The following RPH3A variants were observed in gnomAD, a reference collection of about 807,000 sequenced individuals.
The protein encoded by RPH3A is rabphilin 3A, also known as rabphilin-3A.
Under a neutral mutation model 102.2 loss-of-function variants are expected in RPH3A, and 48 were observed. The observed-to-expected ratio is 0.47, with a 90% CI of 0.37 to 0.60. The LOEUF (loss-of-function observed/expected upper bound fraction) is 0.60. Ranked by LOEUF, RPH3A falls within the 20% of genes least tolerant of loss-of-function variation. The pLI is 0.00. For missense variants in RPH3A, 781 were observed against 910.1 expected (o/e 0.86, Z 1.83); for synonymous variants, 310 against 324.3 (o/e 0.96, Z 0.47).
chr12:112,626,646 T>A (rs1161388847), intron 1 of RPH3A, among the ~76,000 whole-genome samples: 17 of 145,172 alleles, frequency 1.2e-4, no homozygotes, highest in Non-Finnish European at 1.8e-4. Flanking sequence ...TGGAAGTCAG[T>A]GTGGCGATTC....
intron 1 of RPH3A, among the ~76,000 whole-genome samples, chr12:112,607,498 T>C (rs1365249435): frequency 6.6e-6 from 1 of 152,202 alleles, no homozygotes; most frequent in African/African-American, 2.4e-5. Context: ...TTTCTCCTCC[T>C]GTTGGGTCAA....
intron 1 of RPH3A, among the ~76,000 whole-genome samples, chr12:112,707,923 C>T (rs1208939853): frequency 6.6e-6 from 1 of 152,200 alleles, no homozygotes; most frequent in East Asian, 1.9e-4. Context: ...CTCCAATCCA[C>T]CTCCATGAAG....
chr12:112,765,678 A>C (rs1475468927), intron 1 of RPH3A, among the ~76,000 whole-genome samples: 1 of 152,226 alleles, frequency 6.6e-6, no homozygotes, highest in African/African-American at 2.4e-5. Flanking sequence ...TGCTTCATGC[A>C]ATTTTCCATA....
chr12:112,895,747 T>C (rs767600729), intron 20 of RPH3A, 30 bp from the exon 21 acceptor site: 15 of 1,522,710 alleles, frequency 9.9e-6, no homozygotes, highest in Non-Finnish European at 1.4e-5. Context: ...AGAGGGCTCT[T>C]ACCCACATGT....
intron 3 of RPH3A, among the ~76,000 whole-genome samples, chr12:112,835,853 G>A (rs2136167886): frequency 9.2e-6 from 1 of 108,376 alleles, no homozygotes; most frequent in Non-Finnish European, 2.0e-5. Context: ...TTCTTGCTTG[G>A]TTAGGGCAAT....
chr12:112,790,201 T>G (rs2041083787), upstream of RPH3A, among the ~76,000 whole-genome samples: 1 of 151,924 alleles, frequency 6.6e-6, no homozygotes, highest in Non-Finnish European at 1.5e-5. Flanking sequence ...GGATTACAGG[T>G]GCACACCACC....
intron 2 of RPH3A, among the ~76,000 whole-genome samples, chr12:112,820,417 C>G (rs1290150141): frequency 6.6e-6 from 1 of 152,218 alleles, no homozygotes; most frequent in Non-Finnish European, 1.5e-5. Context: ...ATTAAACATG[C>G]AACATTGCAT....
chr12:112,610,506 TA>T (rs574202389), intron 1 of RPH3A, among the ~76,000 whole-genome samples: 16,812 of 95,410 alleles, frequency 0.18, 1,082 homozygotes, highest in Non-Finnish European at 0.23. Flanking sequence ...CTGTCTCAAT[TA>T]AAAAAAAAAA....
Position 112,847,707 on chromosome 12 carries a change from G to A in RPH3A, c.95G>A (p.Gly32Asp). The A allele has an allele frequency of 1.2e-6, 2 of 1,613,990 alleles. No homozygotes were observed. Among genetic ancestry groups the A allele is most frequent in the East Asian group, 4.5e-5 (2 of 44,882 alleles). Residue 32 changes from glycine to aspartate, a missense_variant, in exon 5 of 22, where the codon GGC becomes GAC. Gly to Asp is a moderately conservative substitution (Grantham distance 94). This residue lies in a region of RPH3A where 730 missense variants were observed against 810.0 expected (regional missense o/e 0.90). Transcript: ENST00000389385. ...QSNDKEQLQA[G>D]WSVHPGGQPD... is the part of the protein sequence containing the mutation. ...AAATTTCCTTTCAGGCTCCAGGCAG[G>A]CTGGTCCGTCCACCCCGGTGGTCAG...
intron 5 of RPH3A, among the ~76,000 whole-genome samples, chr12:112,863,477 C>T (rs778694813): frequency 2.0e-4 from 30 of 152,166 alleles, no homozygotes; most frequent in Non-Finnish European, 4.1e-4. Context: ...ACCACCAGGC[C>T]CAGCTAATTT....
intron 1 of RPH3A, among the ~76,000 whole-genome samples, chr12:112,642,755 A>G (rs1377999770): frequency 1.3e-5 from 2 of 152,222 alleles, no homozygotes; most frequent in African/African-American, 4.8e-5. Context: ...ACCAGTATTC[A>G]TTAAGTACCA....
At chr12:112,819,260 C>T (rs960760078) in intron 2 of RPH3A, among the ~76,000 whole-genome samples, 1 of 152,010 alleles carries the variant, frequency 6.6e-6, no homozygotes, top group African/African-American at 2.4e-5. Flanking sequence ...CATGCACCAC[C>T]ATGCCCAACT....
intron 3 of RPH3A, among the ~76,000 whole-genome samples, chr12:112,831,400 C>T (rs549498452): frequency 1.6e-4 from 25 of 152,130 alleles, no homozygotes; most frequent in Admixed American, 6.5e-4. Flanking sequence ...GAGTTACTCA[C>T]TGTCTCAACA....
chr12:112,817,093 T>C (rs767499653), intron 2 of RPH3A, among the ~76,000 whole-genome samples: 1 of 152,154 alleles, frequency 6.6e-6, no homozygotes, highest in Non-Finnish European at 1.5e-5. Flanking sequence ...ACCCATACCC[T>C]TAGTCACCTT....
intron 2 of RPH3A, among the ~76,000 whole-genome samples, chr12:112,825,375 A>G (rs779772674): frequency 6.6e-6 from 1 of 152,202 alleles, no homozygotes; most frequent in Non-Finnish European, 1.5e-5. Context: ...CAAAGGATAC[A>G]GGACAGGAGA....
chr12:112,617,872 T>A (rs917256434), intron 1 of RPH3A: 1 of 152,192 alleles, frequency 6.6e-6, no homozygotes, highest in Non-Finnish European at 1.5e-5. Flanking sequence ...GCCTGAGTTG[T>A]CTTTTTTACC....
chr12:112,684,775 C>T (rs1356385555), intron 1 of RPH3A, among the ~76,000 whole-genome samples: 1 of 152,102 alleles, frequency 6.6e-6, no homozygotes, highest in Non-Finnish European at 1.5e-5. Context: ...CAGGCTGCTA[C>T]AACAAAAATG....
intron 1 of RPH3A, among the ~76,000 whole-genome samples, chr12:112,603,023 A>G (rs1303960870): frequency 6.6e-6 from 1 of 152,192 alleles, no homozygotes; most frequent in Non-Finnish European, 1.5e-5. Context: ...GGGAAAGTAG[A>G]TAGTCATGGA....
intron 1 of RPH3A, among the ~76,000 whole-genome samples, chr12:112,648,097 G>C (rs2039944700): frequency 6.6e-6 from 1 of 152,138 alleles, no homozygotes; most frequent in Admixed American, 6.5e-5. Flanking sequence ...ATACAGTTGA[G>C]GAGACAGATG....
Sources: gnomAD v4.1 joint callset for allele counts (sites outside exome capture counted in the v4.1 genomes callset) on GRCh38, gnomAD v4.1.1 for gene constraint, gnomAD v4.1.1 regional missense constraint, MANE v1.5 for transcripts, NCBI Gene and HGNC (gene_info 2026-07-23, HGNC 2026-07-21) for gene names.